Variants in TSHZ2 observed in about 807,000 individuals in gnomAD.
TSHZ2 encodes the protein teashirt zinc finger homeobox 2.
A neutral mutation model predicts 74.4 loss-of-function variants in TSHZ2; 21 were observed. That is an observed-to-expected ratio of 0.28 (90% confidence interval 0.20 to 0.41). The LOEUF is 0.41. Ranked by LOEUF, TSHZ2 falls within the 10% of genes least tolerant of loss-of-function variation. TSHZ2 has a pLI of 1.00. For synonymous variants in TSHZ2, 540 were observed against 515.3 expected (o/e 1.05, Z -0.65); for missense variants, 1,244 against 1,293.5 (o/e 0.96, Z 0.59).
At chr20:53,357,376 AC>A (rs923772980) in intron 2 of TSHZ2, among the ~76,000 whole-genome samples, 11 of 152,112 alleles carry the variant, frequency 7.2e-5, no homozygotes, top group Admixed American at 4.6e-4. Context: ...CATTTAAAAT[AC>A]CCCCAGGCCA....
intron 1 of TSHZ2, among the ~76,000 whole-genome samples, chr20:53,060,068 C>G (rs749639076): frequency 6.6e-6 from 1 of 152,092 alleles, no homozygotes; most frequent in Non-Finnish European, 1.5e-5. Flanking sequence ...TGTAGATTTG[C>G]GGCTTCTCTC....
rs147044816 is a variant in TSHZ2 at position 53,488,147 on chromosome 20, C to A, written c.*1012C>A. The A allele has an allele frequency of 6.6e-6, 1 of 152,222 alleles. No individual in the cohort carries two copies. The highest frequency in any genetic ancestry group is 1.9e-4 in the East Asian group (1 of 5,182). 9.4% of individuals were successfully genotyped at this position (152,222 alleles called of 1,614,324 possible). On this transcript the variant is annotated 3_prime_UTR_variant, in exon 3 of 3. Transcript: ENST00000371497. ...GGTGTCCATTTTAAATGTGTTCCTG[C>A]AACTTTTTTCATTAAAACTTTGAGG... is the stretch of plus-strand genomic sequence containing the variant.
chr20:53,102,883 A>G (rs375536569), intron 1 of TSHZ2, among the ~76,000 whole-genome samples: 2 of 113,308 alleles, frequency 1.8e-5, no homozygotes, highest in Non-Finnish European at 4.0e-5. Flanking sequence ...TTTTTTTTTT[A>G]TTATACTTTA....
intron 2 of TSHZ2, among the ~76,000 whole-genome samples, chr20:53,402,475 C>T (rs529448796): frequency 7.2e-5 from 11 of 152,214 alleles, no homozygotes; most frequent in African/African-American, 2.6e-4. Context: ...GGAGGCTATG[C>T]CATCTAGGTT....
At chr20:53,121,778 A>G (rs190815278) in intron 1 of TSHZ2, among the ~76,000 whole-genome samples, 43 of 152,272 alleles carry the variant, frequency 2.8e-4, no homozygotes, top group African/African-American at 9.9e-4. Context: ...CTTTTGTGGA[A>G]GAGACTCTTC....
At chr20:53,286,847 C>T (rs921933099) in intron 2 of TSHZ2, among the ~76,000 whole-genome samples, 2 of 151,584 alleles carry the variant, frequency 1.3e-5, no homozygotes, top group African/African-American at 4.9e-5. Context: ...TACCAATATA[C>T]TTCAGCATGG....
chr20:53,218,661 A>G (rs1989488945), intron 1 of TSHZ2, among the ~76,000 whole-genome samples: 1 of 152,212 alleles, frequency 6.6e-6, no homozygotes, highest in South Asian at 2.1e-4. Flanking sequence ...CTGAGGCCAA[A>G]CATCACTAGC....
intron 1 of TSHZ2, among the ~76,000 whole-genome samples, chr20:53,042,715 A>AC (rs1258528832): frequency 6.5e-4 from 98 of 151,916 alleles, no homozygotes; most frequent in Non-Finnish European, 1.3e-3. Context: ...AAAAAAAAAA[A>AC]AACACTGGAA....
At chr20:53,236,278 T>A (rs1310184558) in intron 1 of TSHZ2, among the ~76,000 whole-genome samples, 4 of 152,246 alleles carry the variant, frequency 2.6e-5, no homozygotes, top group Non-Finnish European at 5.9e-5. Flanking sequence ...CTTTACTTAT[T>A]ATGAATTGAA....
At chr20:53,234,812 A>G (rs887978729) in intron 1 of TSHZ2, among the ~76,000 whole-genome samples, 2 of 152,322 alleles carry the variant, frequency 1.3e-5, no homozygotes, top group South Asian at 2.1e-4. Context: ...GAGCTAACAT[A>G]CATAGAAATC....
intron 2 of TSHZ2, among the ~76,000 whole-genome samples, chr20:53,336,153 A>G (rs1415943647): frequency 1.3e-5 from 2 of 152,206 alleles, no homozygotes; most frequent in Non-Finnish European, 2.9e-5. Flanking sequence ...CTTCATTAAG[A>G]AATGAAAGGT....
At chr20:53,180,926 G>A (rs1236450985) in intron 1 of TSHZ2, among the ~76,000 whole-genome samples, 1 of 151,918 alleles carries the variant, frequency 6.6e-6, no homozygotes, top group Admixed American at 6.5e-5. Context: ...TCCTATCCAC[G>A]ATCTCATATC....
intron 2 of TSHZ2, among the ~76,000 whole-genome samples, chr20:53,374,413 C>A (rs1267549874): frequency 1.3e-5 from 2 of 152,082 alleles, no homozygotes; most frequent in Non-Finnish European, 2.9e-5. Flanking sequence ...TAGGTTGATC[C>A]CATGTCTTTA....
intron 1 of TSHZ2, among the ~76,000 whole-genome samples, chr20:53,099,557 A>G (rs566783572): frequency 6.6e-6 from 1 of 152,328 alleles, no homozygotes; most frequent in South Asian, 2.1e-4. Context: ...CTGCTGATAA[A>G]GACAAACCCA....
chr20:53,138,950 G>T (rs149339054), intron 1 of TSHZ2, among the ~76,000 whole-genome samples: 286 of 152,274 alleles, frequency 1.9e-3, no homozygotes, highest in African/African-American at 6.6e-3. Flanking sequence ...CAGATTCAAG[G>T]GTGTCTACAG....
At chr20:53,102,882 T>A (rs1274545462) in intron 1 of TSHZ2, among the ~76,000 whole-genome samples, 4 of 132,882 alleles carry the variant, frequency 3.0e-5, no homozygotes, top group African/African-American at 7.5e-5. Context: ...TTTTTTTTTT[T>A]ATTATACTTT....
chr20:53,071,880 G>A (rs950565344), intron 1 of TSHZ2, among the ~76,000 whole-genome samples: 1 of 152,130 alleles, frequency 6.6e-6, no homozygotes, highest in Non-Finnish European at 1.5e-5. Flanking sequence ...TTGGATTGTC[G>A]TTGTCTCAAC....
chr20:53,291,367 G>A lies in TSHZ2; in HGVS notation c.*8+34796G>A, dbSNP rs375374556. On this transcript the variant is annotated intron_variant, in intron 2 of 2. Transcript: ENST00000371497. ...ACACACCTGTATTCGCAGCTACTCA[G>A]GAAGCTGAGGCAGGAGAATCTATTG... is the stretch of plus-strand genomic sequence containing the variant. Among the ~76,000 whole-genome samples, 18 of 151,726 alleles carry A rather than the reference G, an allele frequency of 1.2e-4. 1 individual carries two copies. In the East Asian group the frequency reaches 1.4e-3, roughly 11 times the overall value.
chr20:53,420,640 CCTGAGGCAGGAGAGTGGGAGG>C (rs1317273062), intron 2 of TSHZ2, among the ~76,000 whole-genome samples: 1 of 152,012 alleles, frequency 6.6e-6, no homozygotes, highest in African/African-American at 2.4e-5. Context: ...GAGTAGTAGT[CCTGAGGCAGGAGAGTGGGAGG>C]CTGAGGCAGG....
Sources: gnomAD v4.1 joint callset for allele counts (sites outside exome capture counted in the v4.1 genomes callset) on GRCh38, gnomAD v4.1.1 for gene constraint, MANE v1.5 for transcripts, NCBI Gene and HGNC (gene_info 2026-07-23, HGNC 2026-07-21) for gene names.